Variants in VTA1 observed in about 807,000 individuals in gnomAD.
The protein encoded by VTA1 is vesicle trafficking 1, also known as vacuolar protein sorting-associated protein VTA1 homolog.
VTA1 carries 24 observed loss-of-function variants against 36.9 expected under a neutral mutation model. The observed-to-expected ratio is 0.65, with a 90% CI of 0.47 to 0.91. The LOEUF (loss-of-function observed/expected upper bound fraction) is 0.91. Ranked by LOEUF, VTA1 falls within the 40% of genes least tolerant of loss-of-function variation. The pLI is 0.00. For missense variants in VTA1, 393 were observed against 377.2 expected (o/e 1.04, Z -0.35); for synonymous variants, 142 against 130.2 (o/e 1.09, Z -0.62).
rs770848453 is a variant in VTA1, at chr6:142,170,296, A to G, written c.336-50A>G. On this transcript the variant is annotated intron_variant, in intron 3 of 7. Transcript: ENST00000367630. The stretch of plus-strand genomic sequence containing the variant: ...TCTTATAGCTAAATGACAAAACTAC[A>G]TTTTAATGTGTTTCATATTTAAACT... The G allele has an allele frequency of 1.5e-5, 21 of 1,380,948 alleles. 1 individual carries two copies. The Middle Eastern group carries it at 1.7e-3, about 113-fold the overall frequency. The allele number at this position is 1,380,948 out of a possible 1,614,324, so 85.5% of individuals were successfully genotyped here.
intron 4 of VTA1, among the ~76,000 whole-genome samples, chr6:142,176,062 T>C (rs1029198474): frequency 2.0e-5 from 3 of 152,204 alleles, no homozygotes; most frequent in African/African-American, 7.2e-5. Context: ...GTTTTAGTTA[T>C]AGAGTCAACA....
intron 5 of VTA1, among the ~76,000 whole-genome samples, chr6:142,192,502 A>G (rs750459699): frequency 6.6e-6 from 1 of 151,870 alleles, no homozygotes; most frequent in Non-Finnish European, 1.5e-5. Flanking sequence ...TATATGGTAA[A>G]TTTGTTTTGA....
At position 142,170,386 on chromosome 6, in the gene VTA1, G is replaced by A; in HGVS notation, c.376G>A (p.Asp126Asn). Residue 126 changes from aspartate to asparagine, a missense_variant, in exon 4 of 8, where the codon GAT (aspartate) becomes AAT (asparagine). Transcript: ENST00000367630. ...CTTCTATACTGCAAGTCTTTTGATAGATGTCATAACAGTATTTGGAGAACT... is the reference window on the plus strand; with the variant it reads ...CTTCTATACTGCAAGTCTTTTGATAAATGTCATAACAGTATTTGGAGAACT... The part of the protein sequence containing the change: ...KSFYTASLLI[D>N]VITVFGELTD... The A allele has an allele frequency of 6.2e-7, 1 of 1,608,664 alleles. No individual in the cohort carries two copies. Among genetic ancestry groups the A allele is most frequent in the Admixed American group, 1.7e-5 (1 of 59,434 alleles).
intron 7 of VTA1, 91 bp from the exon 8 acceptor site, chr6:142,218,407 T>C: frequency 3.8e-6 from 5 of 1,332,096 alleles, no homozygotes; most frequent in Non-Finnish European, 5.2e-6. Flanking sequence ...GCCTTAAATA[T>C]GTTTTTTAAT....
chr6:142,212,105 T>C (rs996698954), intron 7 of VTA1, among the ~76,000 whole-genome samples: 2 of 152,246 alleles, frequency 1.3e-5, no homozygotes, highest in Non-Finnish European at 2.9e-5. Context: ...AAAGACAGTT[T>C]GGCAGTTTCT....
chr6:142,160,556 C>T (rs78820551), intron 1 of VTA1, among the ~76,000 whole-genome samples: 5,074 of 152,030 alleles, frequency 0.033, 160 homozygotes, highest in Non-Finnish European at 0.049. Context: ...TGTGTTTTTT[C>T]AACTCAAGAG....
intron 1 of VTA1, among the ~76,000 whole-genome samples, chr6:142,153,985 A>G (rs1778615256): frequency 6.6e-6 from 1 of 152,044 alleles, no homozygotes; most frequent in African/African-American, 2.4e-5. Context: ...GGTACAATTC[A>G]CTGGTTTATT....
Position 142,181,452 on chromosome 6 carries a change from A to ATT in VTA1, c.412-7971_412-7970dup, listed in dbSNP as rs1050597894. ...CAGGCCTGACACACACACTTTTTAT[A>ATT]TTTTATATATATATATATATATGTA... On this transcript the variant is annotated intron_variant, in intron 4 of 7. Coordinates refer to ENST00000367630, the MANE Select transcript of VTA1 (RefSeq NM_016485.5). 9.7e-3 allele frequency among the ~76,000 whole-genome samples: 521 copies of ATT among 53,954 alleles called. 4 individuals are homozygous for ATT. The highest frequency in any genetic ancestry group is 0.05 in the African/African-American group (494 of 9,950). 35.4% of individuals were successfully genotyped at this position (53,954 alleles called of 152,430 possible). A position where few individuals can be genotyped will look rare whatever the true frequency, so the allele number is the denominator to read the frequency against.
intron 4 of VTA1, among the ~76,000 whole-genome samples, chr6:142,177,661 G>A (rs1315697007): frequency 6.6e-6 from 1 of 152,120 alleles, no homozygotes; most frequent in Non-Finnish European, 1.5e-5. Flanking sequence ...TTTTCTGTTG[G>A]AAGGTAATTT....
chr6:142,169,786 T>C (rs1774994793), intron 3 of VTA1, 109 bp downstream of exon 3: 7 of 1,079,416 alleles, frequency 6.5e-6, no homozygotes, highest in African/African-American at 3.3e-5. Flanking sequence ...ATTTAGGTTT[T>C]TTTAGAAAAA....
intron 2 of VTA1, among the ~76,000 whole-genome samples, chr6:142,166,591 C>A (rs999180110): frequency 1.3e-5 from 2 of 151,480 alleles, no homozygotes; most frequent in African/African-American, 4.8e-5. Flanking sequence ...TTGGCTCCTC[C>A]TTTTATAGGT....
At chr6:142,150,740 C>G (rs923309956) in intron 1 of VTA1, among the ~76,000 whole-genome samples, 6 of 152,040 alleles carry the variant, frequency 3.9e-5, no homozygotes, top group African/African-American at 1.4e-4. Flanking sequence ...TGAAGAAACC[C>G]TGTCTGTACT....
intron 5 of VTA1, among the ~76,000 whole-genome samples, chr6:142,191,368 A>G (rs998042239): frequency 2.0e-5 from 3 of 152,102 alleles, no homozygotes; most frequent in Non-Finnish European, 4.4e-5. Context: ...TTCTTTCCAT[A>G]TCAGTAACTT....
At chr6:142,169,438 A>C in intron 2 of VTA1, 112 bp from the exon 3 acceptor site, 1 of 1,219,144 alleles carries the variant, frequency 8.2e-7, no homozygotes, top group Non-Finnish European at 1.1e-6. Flanking sequence ...GACATCTTTT[A>C]TTGAAATGAA....
chr6:142,151,352 A>T (rs982252183), intron 1 of VTA1, among the ~76,000 whole-genome samples: 31 of 152,144 alleles, frequency 2.0e-4, no homozygotes, highest in Non-Finnish European at 5.9e-5. Flanking sequence ...AATTCTCAAA[A>T]TGATAAAAAT....
intron 1 of VTA1, among the ~76,000 whole-genome samples, chr6:142,162,424 G>A (rs1264359841): frequency 2.6e-5 from 4 of 152,108 alleles, no homozygotes; most frequent in East Asian, 3.9e-4. Context: ...TGACACTGTC[G>A]GTACCATCCT....
chr6:142,184,834 G>A (rs936930306), intron 4 of VTA1, among the ~76,000 whole-genome samples: 5 of 152,064 alleles, frequency 3.3e-5, no homozygotes, highest in Admixed American at 2.0e-4. Context: ...CCTAAATTTC[G>A]AGGTTTTGAT....
intron 5 of VTA1, among the ~76,000 whole-genome samples, chr6:142,193,848 A>G (rs528005738): frequency 2.0e-5 from 3 of 150,868 alleles, no homozygotes; most frequent in African/African-American, 7.3e-5. Context: ...GGGTATATCA[A>G]CTCTCCAGCT....
intron 4 of VTA1, among the ~76,000 whole-genome samples, chr6:142,172,680 T>C (rs1775050500): frequency 6.6e-6 from 1 of 152,224 alleles, no homozygotes. Context: ...TCTGTTTTAC[T>C]AGTGTGAGGC....
Sources: allele counts gnomAD v4.1 joint callset (sites outside exome capture counted in the v4.1 genomes callset), GRCh38; gene constraint gnomAD v4.1.1; transcripts MANE v1.5; gene names NCBI Gene and HGNC (gene_info 2026-07-23, HGNC 2026-07-21).